Variants in ARL15 observed in about 807,000 individuals in gnomAD.
ARL15 encodes ARF like GTPase 15.
A neutral mutation model predicts 25.2 loss-of-function variants in ARL15; 19 were observed. That is an observed-to-expected ratio of 0.75 (90% CI 0.53 to 1.10). The LOEUF is 1.10. ARL15 is among the 50% of genes least tolerant of loss of function. ARL15 has a pLI of 0.00. For synonymous variants in ARL15, 94 were observed against 86.8 expected, an observed-to-expected ratio of 1.08 and a Z score of -0.46; for missense variants, 220 against 246.0, an observed-to-expected ratio of 0.89 and a Z score of 0.71.
intron 4 of ARL15, among the ~76,000 whole-genome samples, chr5:53,995,186 G>A (rs538412008): frequency 6.6e-6 from 1 of 151,372 alleles, no homozygotes; most frequent in South Asian, 2.1e-4. Flanking sequence ...GTGGGTGACT[G>A]TAATCCCAGC....
chr5:54,233,071 G>T (rs1272654446), intron 1 of ARL15, among the ~76,000 whole-genome samples: 1 of 152,192 alleles, frequency 6.6e-6, no homozygotes, highest in Non-Finnish European at 1.5e-5. Context: ...AATCATGCTG[G>T]TGGCACCAAA....
intron 4 of ARL15, among the ~76,000 whole-genome samples, chr5:54,095,529 G>A (rs1470058684): frequency 1.3e-5 from 2 of 152,128 alleles, no homozygotes; most frequent in African/African-American, 4.8e-5. Flanking sequence ...GGAAAGCTTA[G>A]GGAGGAAGCT....
At position 54,169,786 on chromosome 5, in the gene ARL15, G is replaced by A. The variant is rs559090245; in HGVS notation, c.193+1998C>T. 2.6e-5 allele frequency among the ~76,000 whole-genome samples: 4 copies of A among 152,242 alleles called. No individual in the cohort carries two copies. The South Asian group carries it at 6.2e-4, about 24-fold the overall frequency. On this transcript the variant is annotated intron_variant, in intron 2 of 4. Transcript: ENST00000504924. ...TACGGACAACGCCCAGTGGGGAGAG[G>A]AGGGAGTACTCAGTTCTGTCCAAGG...
intron 1 of ARL15, among the ~76,000 whole-genome samples, chr5:54,255,907 C>T (rs895879634): frequency 6.6e-6 from 1 of 151,970 alleles, no homozygotes; most frequent in Admixed American, 6.6e-5. Context: ...CTCTGGGATA[C>T]AGCAAGAGGA....
At chr5:54,080,978 G>A (rs948710112) in intron 4 of ARL15, among the ~76,000 whole-genome samples, 4 of 152,144 alleles carry the variant, frequency 2.6e-5, no homozygotes, top group African/African-American at 9.7e-5. Context: ...GAAAAAGAGA[G>A]CTCTTTCACT....
intron 1 of ARL15, among the ~76,000 whole-genome samples, chr5:54,193,419 C>G (rs1755460381): frequency 6.6e-6 from 1 of 152,178 alleles, no homozygotes; most frequent in African/African-American, 2.4e-5. Flanking sequence ...CCAGGCCTCA[C>G]AGCAGGAGGT....
intron 4 of ARL15, among the ~76,000 whole-genome samples, chr5:54,071,613 T>C (rs770973572): frequency 1.3e-5 from 2 of 148,382 alleles, no homozygotes; most frequent in Non-Finnish European, 3.0e-5. Flanking sequence ...GAAGCACTTT[T>C]TGGTACATTA....
At chr5:54,129,445 G>T (rs573629011) in intron 3 of ARL15, among the ~76,000 whole-genome samples, 3 of 152,182 alleles carry the variant, frequency 2.0e-5, no homozygotes, top group African/African-American at 7.2e-5. Context: ...CCAGAAACAG[G>T]CACAGAGACA....
chr5:54,027,737 A>G (rs1474386796), intron 4 of ARL15, among the ~76,000 whole-genome samples: 1 of 152,088 alleles, frequency 6.6e-6, no homozygotes, highest in East Asian at 1.9e-4. Flanking sequence ...TCCCCTCCCC[A>G]GTAATCCATG....
chr5:54,080,213 T>C (rs144473153), intron 4 of ARL15, among the ~76,000 whole-genome samples: 1 of 152,310 alleles, frequency 6.6e-6, no homozygotes, highest in African/African-American at 2.4e-5. Flanking sequence ...GGTATTCTGT[T>C]AGATAGGAAT....
At chr5:54,261,950 T>C (rs1363170160) in intron 1 of ARL15, among the ~76,000 whole-genome samples, 9 of 152,332 alleles carry the variant, frequency 5.9e-5, no homozygotes, top group African/African-American at 1.7e-4. Flanking sequence ...ATTTAGTTAA[T>C]AGACTAAGTT....
At position 54,230,665 on chromosome 5, in the gene ARL15, G is replaced by A. The variant is rs78849338; in HGVS notation, c.49-58737C>T. On this transcript the variant is annotated intron_variant, in intron 1 of 4. Transcript: ENST00000504924. The stretch of plus-strand genomic sequence containing the variant: ...GACCCTCTCCTCCTCTGTGAGGTAT[G>A]AGCAAGTCTTCCCTGTAATCCTGTC... 8.0e-3 allele frequency among the ~76,000 whole-genome samples: 1,222 copies of A among 152,246 alleles called. 18 individuals are homozygous for A. The highest frequency in any genetic ancestry group is 0.027 in the African/African-American group (1,130 of 41,536).
intron 4 of ARL15, among the ~76,000 whole-genome samples, chr5:53,907,484 A>ATTTTTTTTTTTTTTTTTTT (rs1561143900): frequency 3.8e-5 from 1 of 26,398 alleles, no homozygotes; most frequent in African/African-American, 1.9e-4. Context: ...ATATATATAT[A>ATTTTTTTTTTTTTTTTTTT]TATATTTTTT....
At chr5:53,911,769 G>A (rs1388833979) in intron 4 of ARL15, among the ~76,000 whole-genome samples, 2 of 152,030 alleles carry the variant, frequency 1.3e-5, no homozygotes, top group African/African-American at 4.8e-5. Context: ...CCACATATGA[G>A]TGAGAACATA....
intron 4 of ARL15, among the ~76,000 whole-genome samples, chr5:54,084,204 C>G (rs1167312790): frequency 3.9e-5 from 6 of 152,158 alleles, no homozygotes; most frequent in Non-Finnish European, 8.8e-5. Flanking sequence ...GCTTGGCACT[C>G]TCAGCCTGTG....
chr5:54,190,757 G>C (rs2112455576), intron 1 of ARL15, among the ~76,000 whole-genome samples: 1 of 152,248 alleles, frequency 6.6e-6, no homozygotes, highest in East Asian at 1.9e-4. Context: ...TTTTGGGGAG[G>C]ACATGCACAT....
intron 4 of ARL15, among the ~76,000 whole-genome samples, chr5:54,017,800 C>T (rs925837295): frequency 6.6e-6 from 1 of 152,004 alleles, no homozygotes; most frequent in Non-Finnish European, 1.5e-5. Flanking sequence ...CTTGTTCTTG[C>T]TCCCTTCCCC....
At chr5:53,893,794 C>T (rs1005350111) in intron 4 of ARL15, among the ~76,000 whole-genome samples, 3 of 152,144 alleles carry the variant, frequency 2.0e-5, no homozygotes, top group Non-Finnish European at 4.4e-5. Context: ...GCCATGGCTC[C>T]AGGACAGGGT....
chr5:54,068,954 C>T (rs1379403517), intron 4 of ARL15, among the ~76,000 whole-genome samples: 1 of 152,116 alleles, frequency 6.6e-6, no homozygotes, highest in Non-Finnish European at 1.5e-5. Context: ...AGAATAGTAC[C>T]TAATACGATA....
Sources: gnomAD v4.1 joint callset for allele counts (sites outside exome capture counted in the v4.1 genomes callset) on GRCh38, gnomAD v4.1.1 for gene constraint, MANE v1.5 for transcripts, NCBI Gene and HGNC (gene_info 2026-07-23, HGNC 2026-07-21) for gene names.